The following ADGRL2 variants were observed in gnomAD, a reference collection of about 807,000 sequenced individuals.
The protein encoded by ADGRL2 is calcium-independent alpha-latrotoxin receptor 2.
A neutral mutation model predicts 157.4 loss-of-function variants in ADGRL2; 44 were observed. The ratio of observed to expected loss-of-function variants is 0.28; its 90% CI spans 0.22 to 0.36. The LOEUF is 0.36. ADGRL2 is among the 10% of genes least tolerant of loss of function. The pLI, the probability that ADGRL2 is intolerant of heterozygous loss-of-function variation, is 1.00. For synonymous variants in ADGRL2, 585 were observed against 624.7 expected (o/e 0.94, Z 0.95); for missense variants, 1,510 against 1,768.9 (o/e 0.85, Z 2.63).
At chr1:81,672,882 T>A (rs1484879666) in intron 3 of ADGRL2, among the ~76,000 whole-genome samples, 2 of 152,202 alleles carry the variant, frequency 1.3e-5, no homozygotes, top group Non-Finnish European at 1.5e-5. Context: ...ATGATCAAAG[T>A]GATTTGGAAA....
At chr1:81,527,058 A>G (rs2079475770) in intron 2 of ADGRL2, among the ~76,000 whole-genome samples, 1 of 152,260 alleles carries the variant, frequency 6.6e-6, no homozygotes, top group Admixed American at 6.5e-5. Flanking sequence ...AATTTGCAAA[A>G]GCAAAATATA....
chr1:81,889,507 T>C (rs1263446490), intron 2 of ADGRL2, among the ~76,000 whole-genome samples: 1 of 152,134 alleles, frequency 6.6e-6, no homozygotes, highest in Non-Finnish European at 1.5e-5. Context: ...TGGAGGAAAG[T>C]TTACAGTTAC....
intron 1 of ADGRL2, among the ~76,000 whole-genome samples, chr1:81,750,970 T>G (rs2085471308): frequency 6.6e-6 from 1 of 152,136 alleles, no homozygotes; most frequent in African/African-American, 2.4e-5. Flanking sequence ...CTCAATAACA[T>G]TCTCATCTAA....
intron 3 of ADGRL2, among the ~76,000 whole-genome samples, chr1:81,672,784 A>C (rs2082902428): frequency 6.6e-6 from 1 of 152,364 alleles, no homozygotes; most frequent in South Asian, 2.1e-4. Context: ...TAAAAAAATA[A>C]AATGTGAAAT....
intron 1 of ADGRL2, among the ~76,000 whole-genome samples, chr1:81,390,506 G>A (rs34811279): frequency 1.3e-5 from 2 of 151,998 alleles, no homozygotes; most frequent in Admixed American, 1.3e-4. Context: ...AGATACAAAT[G>A]ATTCATGCTT....
chr1:81,570,853 T>C (rs2080672562), intron 2 of ADGRL2, among the ~76,000 whole-genome samples: 1 of 152,150 alleles, frequency 6.6e-6, no homozygotes, highest in African/African-American at 2.4e-5. Context: ...TACCACTGTG[T>C]AGGCAAGACA....
intron 1 of ADGRL2, among the ~76,000 whole-genome samples, chr1:81,312,047 A>G (rs554807572): frequency 2.0e-5 from 3 of 152,304 alleles, no homozygotes; most frequent in South Asian, 4.1e-4. Context: ...AATGAAATGG[A>G]AATAATAATT....
chr1:81,614,918 C>T (rs892990074), intron 3 of ADGRL2, among the ~76,000 whole-genome samples: 2 of 151,526 alleles, frequency 1.3e-5, no homozygotes, highest in South Asian at 2.1e-4. Context: ...GAGGCTGAAG[C>T]GGGAGGATTA....
At chr1:81,868,591 G>T (rs916599649) in intron 2 of ADGRL2, among the ~76,000 whole-genome samples, 4 of 151,946 alleles carry the variant, frequency 2.6e-5, no homozygotes, top group Non-Finnish European at 5.9e-5. Context: ...CTTTGCCTAG[G>T]ATCGTTGTCT....
At chr1:81,449,188 A>C (rs1370708663) in intron 2 of ADGRL2, among the ~76,000 whole-genome samples, 1 of 151,186 alleles carries the variant, frequency 6.6e-6, no homozygotes, top group East Asian at 1.9e-4. Flanking sequence ...CTTTGGATAC[A>C]TAGTGCTTTT....
chr1:81,902,734 A>G (rs1458178052), intron 2 of ADGRL2, among the ~76,000 whole-genome samples: 1 of 152,206 alleles, frequency 6.6e-6, no homozygotes, highest in Non-Finnish European at 1.5e-5. Context: ...ACCCATTCCC[A>G]TCATGGCCAC....
At chr1:81,949,183 T>A (rs1033913422) in intron 6 of ADGRL2, among the ~76,000 whole-genome samples, 1 of 152,216 alleles carries the variant, frequency 6.6e-6, no homozygotes, top group Non-Finnish European at 1.5e-5. Context: ...TAAGAGCCAA[T>A]AATCTGTAAA....
chr1:81,516,964 T>A (rs1296515698), intron 2 of ADGRL2, among the ~76,000 whole-genome samples: 1 of 152,030 alleles, frequency 6.6e-6, no homozygotes, highest in Admixed American at 6.6e-5. Context: ...TAGTAAATAC[T>A]TTAGCTTTTT....
At chr1:81,350,902 G>T (rs34131093) in intron 1 of ADGRL2, among the ~76,000 whole-genome samples, 3 of 151,886 alleles carry the variant, frequency 2.0e-5, no homozygotes, top group Non-Finnish European at 4.4e-5. Context: ...CATTTTTATT[G>T]ACTTATGGCT....
At chr1:81,551,507 T>C (rs1046482640) in intron 2 of ADGRL2, among the ~76,000 whole-genome samples, 1 of 152,220 alleles carries the variant, frequency 6.6e-6, no homozygotes, top group African/African-American at 2.4e-5. Context: ...AATAGCTCAT[T>C]TGCAAAATCT....
At chr1:81,650,574 CAAAAAAAAAAAA>C (rs1180168819) in intron 3 of ADGRL2, among the ~76,000 whole-genome samples, 3 of 62,364 alleles carry the variant, frequency 4.8e-5, no homozygotes, top group Non-Finnish European at 1.0e-4. Context: ...GACTCCATCT[CAAAAAAAAAAAA>C]AAAAAAAGAA....
intron 3 of ADGRL2, among the ~76,000 whole-genome samples, chr1:81,639,577 A>T (rs2082179548): frequency 6.8e-6 from 1 of 148,114 alleles, no homozygotes; most frequent in Non-Finnish European, 1.5e-5. Flanking sequence ...ATGAAGGTAT[A>T]TGACACTAAC....
chr1:81,320,581 C>T (rs979977330), intron 1 of ADGRL2, among the ~76,000 whole-genome samples: 2 of 152,190 alleles, frequency 1.3e-5, no homozygotes, highest in Non-Finnish European at 2.9e-5. Flanking sequence ...AAACAACATT[C>T]ATTTCTTTGT....
intron 1 of ADGRL2, among the ~76,000 whole-genome samples, chr1:81,390,450 GAGAA>G (rs1270918366): frequency 6.6e-6 from 1 of 152,306 alleles, no homozygotes; most frequent in Non-Finnish European, 1.5e-5. Context: ...GATATGGATA[GAGAA>G]AGAGATGTAA....
Sources: allele counts gnomAD v4.1 joint callset (sites outside exome capture counted in the v4.1 genomes callset), GRCh38; gene constraint gnomAD v4.1.1; transcripts MANE v1.5; gene names NCBI Gene and HGNC (gene_info 2026-07-23, HGNC 2026-07-21).